Variants in TBL1X observed in about 807,000 individuals in gnomAD.
The protein encoded by TBL1X is F-box-like/WD repeat-containing protein TBL1X.
A neutral mutation model predicts 50.7 loss-of-function variants in TBL1X; 10 were observed. That is an observed-to-expected ratio of 0.20 (90% CI 0.12 to 0.33). The LOEUF is 0.33. TBL1X is among the 10% of genes least tolerant of loss of function. The pLI is 1.00. For missense variants in TBL1X, 340 were observed against 504.4 expected, an observed-to-expected ratio of 0.67 and a Z score of 3.12; for synonymous variants, 190 against 214.7, an observed-to-expected ratio of 0.88 and a Z score of 1.01.
intron 3 of TBL1X, among the ~76,000 whole-genome samples, chrX:9,643,065 T>C (rs2082784206): frequency 8.9e-6 from 1 of 112,179 alleles, no homozygotes; most frequent in Non-Finnish European, 1.9e-5. Flanking sequence ...TCAGGACTTT[T>C]ACGTAAGGAA....
At chrX:9,538,041 T>A (rs1157271913) in intron 2 of TBL1X, among the ~76,000 whole-genome samples, 1 of 112,122 alleles carries the variant, frequency 8.9e-6, no homozygotes, top group African/African-American at 3.2e-5. Flanking sequence ...AGTAACATGA[T>A]GCTCTATGAC....
chrX:9,579,808 C>G (rs2082430694), intron 2 of TBL1X, among the ~76,000 whole-genome samples: 1 of 111,016 alleles, frequency 9.0e-6, no homozygotes, highest in Non-Finnish European at 1.9e-5. Flanking sequence ...AGCCATTTCT[C>G]CCCTGTGCTG....
chrX:9,688,783 T>C (rs1405964284), intron 7 of TBL1X, among the ~76,000 whole-genome samples: 1 of 113,129 alleles, frequency 8.8e-6, no homozygotes, highest in East Asian at 2.8e-4. Flanking sequence ...CCCAAAATTC[T>C]ACCCAGAGAA....
At chrX:9,644,372 G>A (rs7059334) in intron 3 of TBL1X, among the ~76,000 whole-genome samples, 1,529 of 111,930 alleles carry the variant, frequency 0.014, 21 homozygotes, top group African/African-American at 0.044. Flanking sequence ...ACGTGCATCT[G>A]TGTTGAACTG....
intron 2 of TBL1X, among the ~76,000 whole-genome samples, chrX:9,620,337 A>G (rs2082660420): frequency 8.9e-6 from 1 of 112,717 alleles, no homozygotes; most frequent in Admixed American, 9.4e-5. Flanking sequence ...ACCAAGCTGT[A>G]TTTTAAGTTT....
At chrX:9,584,822 C>T (rs2082459859) in intron 2 of TBL1X, among the ~76,000 whole-genome samples, 1 of 111,202 alleles carries the variant, frequency 9.0e-6, no homozygotes, top group Non-Finnish European at 1.9e-5. Flanking sequence ...CTCAGAAAAC[C>T]TTGGGGGAGG....
At chrX:9,633,220 G>A (rs1465515066) in intron 2 of TBL1X, among the ~76,000 whole-genome samples, 2 of 111,841 alleles carry the variant, frequency 1.8e-5, no homozygotes, top group Non-Finnish European at 3.8e-5. Context: ...TGCAAAATTG[G>A]TCATTGATTA....
intron 5 of TBL1X, among the ~76,000 whole-genome samples, chrX:9,676,398 T>G (rs907270490): frequency 3.6e-5 from 4 of 112,104 alleles, no homozygotes; most frequent in African/African-American, 1.3e-4. Flanking sequence ...CACATGAGTT[T>G]ATGGCCTGAG....
intron 2 of TBL1X, among the ~76,000 whole-genome samples, chrX:9,593,110 G>A (rs1260596695): frequency 4.5e-5 from 5 of 111,552 alleles, no homozygotes; most frequent in Non-Finnish European, 9.4e-5. Flanking sequence ...GAGTAATAAT[G>A]TTCACCTGGG....
intron 2 of TBL1X, among the ~76,000 whole-genome samples, chrX:9,510,710 A>G (rs889361592): frequency 1.8e-5 from 2 of 112,651 alleles, no homozygotes; most frequent in Non-Finnish European, 3.8e-5. Flanking sequence ...TGAGTAAGGC[A>G]GATGACTTCC....
At chrX:9,681,326 T>TA (rs970623385) in intron 5 of TBL1X, among the ~76,000 whole-genome samples, 26 of 111,911 alleles carry the variant, frequency 2.3e-4, no homozygotes, top group Non-Finnish European at 3.9e-4. Context: ...GAGTGTAAAG[T>TA]AAAAAGCGGA....
chrX:9,635,839 A>G (rs2082743842), intron 2 of TBL1X, among the ~76,000 whole-genome samples: 1 of 112,290 alleles, frequency 8.9e-6, no homozygotes, highest in South Asian at 3.7e-4. Context: ...GAACGATGCC[A>G]GGCAATTCCA....
chrX:9,707,619 A>C (rs1211089555), intron 13 of TBL1X, among the ~76,000 whole-genome samples: 1 of 112,523 alleles, frequency 8.9e-6, no homozygotes, highest in Admixed American at 9.3e-5. Context: ...GTTCCTTTGC[A>C]TGGGCTTGGC....
intron 2 of TBL1X, among the ~76,000 whole-genome samples, chrX:9,531,565 C>A (rs1340677602): frequency 9.1e-6 from 1 of 110,353 alleles, no homozygotes; most frequent in African/African-American, 3.3e-5. Context: ...AAAATAACAA[C>A]GACAACAAAA....
chrX:9,661,783 C>T (rs1433446151), intron 5 of TBL1X, among the ~76,000 whole-genome samples: 1 of 111,081 alleles, frequency 9.0e-6, no homozygotes, highest in East Asian at 2.8e-4. Flanking sequence ...GGTAAGCTGG[C>T]GTGGGTCTCG....
intron 2 of TBL1X, among the ~76,000 whole-genome samples, chrX:9,604,255 G>A (rs921372314): frequency 1.8e-5 from 2 of 112,093 alleles, no homozygotes; most frequent in Non-Finnish European, 3.8e-5. Context: ...TAAAATTAAT[G>A]TGTAAATGCG....
intron 5 of TBL1X, among the ~76,000 whole-genome samples, chrX:9,670,050 T>C (rs954328727): frequency 8.9e-6 from 1 of 112,067 alleles, no homozygotes; most frequent in African/African-American, 3.2e-5. Flanking sequence ...GTAAAACTAA[T>C]GAAAGGCTAC....
At chrX:9,555,104 C>CT (rs2082289577) in intron 2 of TBL1X, among the ~76,000 whole-genome samples, 1 of 111,548 alleles carries the variant, frequency 9.0e-6, no homozygotes, top group Admixed American at 9.6e-5. Context: ...GAAACAGGGT[C>CT]TTGCTCTGTT....
chrX:9,491,338 ATTT>A (rs1157943868), intron 1 of TBL1X, among the ~76,000 whole-genome samples: 10 of 31,307 alleles, frequency 3.2e-4, no homozygotes, highest in South Asian at 1.6e-3. Flanking sequence ...ATATATATAT[ATTT>A]TTTTTTTTTT....
Sources: gnomAD v4.1 joint callset for allele counts (sites outside exome capture counted in the v4.1 genomes callset) on GRCh38, gnomAD v4.1.1 for gene constraint, MANE v1.5 for transcripts, NCBI Gene and HGNC (gene_info 2026-07-23, HGNC 2026-07-21) for gene names.